Variants in ZNF566 observed in about 807,000 individuals in gnomAD.
ZNF566 encodes zinc finger protein 566.
Under a neutral mutation model 32.8 loss-of-function variants are expected in ZNF566, and 27 were observed. The observed-to-expected ratio is 0.82, with a 90% CI of 0.61 to 1.14. The LOEUF is 1.14. Among genes scored for constraint, ZNF566 ranks in the 50% most tolerant of loss-of-function variants. The pLI is 0.00. For synonymous variants in ZNF566, 154 were observed against 159.5 expected (o/e 0.97, Z 0.26); for missense variants, 402 against 490.4 (o/e 0.82, Z 1.70).
At chr19:36,484,814 C>T (rs1303895607) in intron 1 of ZNF566, among the ~76,000 whole-genome samples, 1 of 151,996 alleles carries the variant, frequency 6.6e-6, no homozygotes, top group Non-Finnish European at 1.5e-5. Flanking sequence ...TGGTCTTGAT[C>T]TCCTGACCTT....
intron 1 of ZNF566, among the ~76,000 whole-genome samples, chr19:36,487,112 C>A (rs1443953159): frequency 6.9e-5 from 10 of 144,458 alleles, no homozygotes; most frequent in Admixed American, 7.0e-5. Flanking sequence ...AAAAACAAAC[C>A]AAAACAAGAC....
chr19:36,481,287 A>G (rs1195947800), intron 1 of ZNF566, among the ~76,000 whole-genome samples: 1 of 151,906 alleles, frequency 6.6e-6, no homozygotes, highest in African/African-American at 2.4e-5. Flanking sequence ...CCTGGCCAAC[A>G]TGGTGGAACC....
At chr19:36,451,770 G>A (rs1046715081) in intron 4 of ZNF566, among the ~76,000 whole-genome samples, 1 of 152,172 alleles carries the variant, frequency 6.6e-6, no homozygotes, top group Non-Finnish European at 1.5e-5. Context: ...CACTCTGCGG[G>A]GCCGAGGCGG....
intron 4 of ZNF566, among the ~76,000 whole-genome samples, chr19:36,462,215 C>T (rs911927484): frequency 4.0e-5 from 6 of 151,786 alleles, no homozygotes; most frequent in East Asian, 3.9e-4. Context: ...CTTGAACTCC[C>T]GACTTCAGGT....
At chr19:36,455,471 T>C (rs1189250595) in intron 4 of ZNF566, among the ~76,000 whole-genome samples, 1 of 152,208 alleles carries the variant, frequency 6.6e-6, no homozygotes, top group East Asian at 1.9e-4. Context: ...TGCAACTCAG[T>C]GTGCTCCCAC....
chr19:36,481,160 A>G (rs1023132411), intron 1 of ZNF566, among the ~76,000 whole-genome samples: 2 of 152,002 alleles, frequency 1.3e-5, no homozygotes, highest in Non-Finnish European at 2.9e-5. Flanking sequence ...ACACACTCAT[A>G]ATGAGAGAAA....
At position 36,474,518 on chromosome 19, in the gene ZNF566, G is replaced by A. The variant is rs186511389; in HGVS notation, c.10-1060C>T. Among the ~76,000 whole-genome samples the A allele has an allele frequency of 1.3e-3, 197 of 152,240 alleles. 1 individual carries two copies. The highest frequency in any genetic ancestry group is 1.2e-3 in the Non-Finnish European group (83 of 68,018). ...TGATATGGTAACAGTCAGGAAAAAC[G>A]AAAGTGCAGTATGGGAATACAATGT... On this transcript the variant is annotated intron_variant, in intron 2 of 4. Coordinates refer to ENST00000452939, the MANE Select transcript of ZNF566 (RefSeq NM_001145344.1).
At chr19:36,467,790 C>CAAAAAAAAAAAAAAAAAAAAA (rs560803094) in intron 4 of ZNF566, among the ~76,000 whole-genome samples, 1 of 85,918 alleles carries the variant, frequency 1.2e-5, no homozygotes, top group Non-Finnish European at 2.1e-5. Flanking sequence ...GACTCCATCT[C>CAAAAAAAAAAAAAAAAAAAAA]AAAAAAAAAA....
chr19:36,471,128 C>G (rs1291078788), intron 4 of ZNF566, among the ~76,000 whole-genome samples: 1 of 150,564 alleles, frequency 6.6e-6, no homozygotes, highest in Admixed American at 6.6e-5. Context: ...GCAGGAGAAT[C>G]GCTTGAACCT....
intron 1 of ZNF566, among the ~76,000 whole-genome samples, chr19:36,480,288 CTTTT>C (rs773998048): frequency 1.5e-5 from 2 of 136,846 alleles, no homozygotes; most frequent in Non-Finnish European, 3.2e-5. Context: ...ATTTTTTTTT[CTTTT>C]TTTTTTTTTT....
chr19:36,447,940 G>C lies in ZNF566; in HGVS notation c.*1037C>G, dbSNP rs1209171876. The C allele has an allele frequency of 6.6e-6, 1 of 152,028 alleles. No individual in the cohort carries two copies. Among genetic ancestry groups the C allele is most frequent in the South Asian group, 2.1e-4 (1 of 4,826 alleles). 9.4% of individuals were successfully genotyped at this position (152,028 alleles called of 1,614,324 possible). On this transcript the variant is annotated 3_prime_UTR_variant, in exon 5 of 5. Coordinates refer to ENST00000452939, the MANE Select transcript of ZNF566 (RefSeq NM_001145344.1). ...TACTGATGATGATGAATATAATAACGATGACTAACATTCAGTGAGTATGTA... is the reference window on the plus strand; with the variant it reads ...TACTGATGATGATGAATATAATAACCATGACTAACATTCAGTGAGTATGTA...
intron 4 of ZNF566, among the ~76,000 whole-genome samples, chr19:36,450,274 C>T (rs1054627694): frequency 2.0e-5 from 3 of 152,172 alleles, no homozygotes; most frequent in Non-Finnish European, 4.4e-5. Context: ...AAGGATGACT[C>T]TAATCATACA....
In ZNF566 at chr19:36,474,942, A is replaced by T. The variant is rs2033848670; in HGVS notation, c.10-1484T>A. Among the ~76,000 whole-genome samples the T allele has an allele frequency of 3.3e-5, 5 of 152,216 alleles. No homozygotes were observed. In the South Asian group the frequency reaches 1.0e-3, roughly 32 times the overall value. On this transcript the variant is annotated intron_variant, in intron 2 of 4. Transcript: ENST00000452939. ...CTAAAGACCTCGCCAACATTGGCCC[A>T]ATCTTATTTATAACCACCTACTGCC... is the stretch of plus-strand genomic sequence containing the variant.
chr19:36,489,065 C>G (rs913016724), intron 1 of ZNF566, among the ~76,000 whole-genome samples: 11 of 152,106 alleles, frequency 7.2e-5, no homozygotes, highest in African/African-American at 2.7e-4. Context: ...GTCACAGTCA[C>G]GATCACACAT....
At chr19:36,468,093 A>C (rs532956388) in intron 4 of ZNF566, among the ~76,000 whole-genome samples, 3 of 150,592 alleles carry the variant, frequency 2.0e-5, no homozygotes, top group Admixed American at 6.6e-5. Context: ...GCTGAGGCAG[A>C]AGAATCACTT....
Position 36,449,156 on chromosome 19 carries a change from T to C in ZNF566, c.1078A>G (p.Ile360Val). ...TCATAGGGTTTCTCCCCAGTATGAA[T>C]TCTCTGATGTCTAGTAAGGTCTGAG... ...SGSDLTRHQRIHTGEKPYECK... is the reference protein window; with the variant it reads ...SGSDLTRHQRVHTGEKPYECK... Residue 360 changes from isoleucine to valine, a missense_variant, in exon 5 of 5, where the codon ATT (isoleucine) becomes GTT (valine). Ile to Val is a conservative substitution (Grantham distance 29, BLOSUM62 3). Around this residue, in one of 3 missense-constraint regions of ZNF566, gnomAD observed 135 missense variants for 210.0 expected, o/e 0.64. Transcript: ENST00000452939. 2 of 1,614,132 alleles carry C rather than the reference T, an allele frequency of 1.2e-6. No individual in the cohort carries two copies. Among genetic ancestry groups the C allele is most frequent in the Non-Finnish European group, 1.7e-6 (2 of 1,180,000 alleles).
chr19:36,445,699 A>G lies in ZNF566; in HGVS notation c.*3278T>C, dbSNP rs887197320. 2.0e-5 allele frequency: 3 copies of G among 152,128 alleles called. No individual in the cohort carries two copies. The highest frequency in any genetic ancestry group is 7.2e-5 in the African/African-American group (3 of 41,410). The allele number at this position is 152,128 out of a possible 1,614,324, so 9.4% of individuals were successfully genotyped here. On this transcript the variant is annotated 3_prime_UTR_variant, in exon 5 of 5. Transcript: ENST00000452939. ...CCAGGCGTAGTGGCATATACCTGTA[A>G]CCCCAGCTACTTGGGAGGCTGAGGC... is the stretch of plus-strand genomic sequence containing the variant.
chr19:36,459,541 G>C (rs1029758046), intron 4 of ZNF566, among the ~76,000 whole-genome samples: 1 of 147,598 alleles, frequency 6.8e-6, no homozygotes, highest in African/African-American at 2.5e-5. Context: ...AGACAGTTTT[G>C]CTCTTGTTGC....
intron 4 of ZNF566, among the ~76,000 whole-genome samples, chr19:36,451,966 C>T (rs1421548122): frequency 6.6e-6 from 1 of 151,716 alleles, no homozygotes; most frequent in East Asian, 1.9e-4. Context: ...AAGATCACAC[C>T]ACTGCACTCC....
Sources: gnomAD v4.1 joint callset for allele counts (sites outside exome capture counted in the v4.1 genomes callset) on GRCh38, gnomAD v4.1.1 for gene constraint, gnomAD v4.1.1 regional missense constraint, MANE v1.5 for transcripts, NCBI Gene and HGNC (gene_info 2026-07-23, HGNC 2026-07-21) for gene names.